PXMP2: variants seen among roughly 807,000 people sequenced by gnomAD.
PXMP2 encodes the protein 22 kDa peroxisomal membrane protein.
In PXMP2, 13 loss-of-function variants were observed where a neutral mutation model predicts 20.2. The observed-to-expected ratio is 0.64, with a 90% CI of 0.42 to 1.02. The LOEUF is 1.02. Among genes scored for constraint, PXMP2 ranks in the 50% least tolerant of loss-of-function variants. The probability of loss-of-function intolerance (pLI) is 0.00; values close to 1 mark genes in which losing one functional copy is unlikely to be tolerated. For missense variants in PXMP2, 284 were observed against 251.8 expected (o/e 1.13, Z -0.87); for synonymous variants, 113 against 111.2 (o/e 1.02, Z -0.10).
At position 132,693,853 on chromosome 12, in the gene PXMP2, T is replaced by TA. The variant is rs201477588; in HGVS notation, c.237-2031_237-2030insA. Among the ~76,000 whole-genome samples, 3 of 81,570 alleles carry TA rather than the reference T, an allele frequency of 3.7e-5. 1 individual carries two copies. Among genetic ancestry groups the TA allele is most frequent in the African/African-American group, 1.3e-4 (3 of 22,700 alleles). 53.5% of individuals were successfully genotyped at this position (81,570 alleles called of 152,430 possible). A position where few individuals can be genotyped will look rare whatever the true frequency, so the allele number is the denominator to read the frequency against. ...TTGCCAGTTAGTTAGTGAGCTCCCT[T>TA]GCCAGTTAGTTAGTGAGCTCCCTTA... On this transcript the variant is annotated intron_variant, in intron 2 of 4. Transcript: ENST00000317479.
rs2043315626 is a variant in PXMP2 at position 132,687,774 on chromosome 12, T to C, written c.104T>C (p.Leu35Pro). Residue 35 changes from leucine (L) to proline (P), a missense_variant, in exon 1 of 5, where the codon CTC becomes CCC. Physicochemically the swap from Leu to Pro is moderately conservative, Grantham distance 98. Transcript: ENST00000317479. ...YLLFLRLYPV[L>P]TKAATSGILS... ...CTCTTCCTGCGGCTCTACCCGGTGC[T>C]CACCAAGGCGGCCACCAGGTGAGCG... The C allele has an allele frequency of 1.7e-6, 2 of 1,177,802 alleles. No individual in the cohort carries two copies. The highest frequency in any genetic ancestry group is 4.1e-5 in the East Asian group (1 of 24,454). The allele number at this position is 1,177,802 out of a possible 1,614,324, so 73.0% of individuals were successfully genotyped here. A position where few individuals can be genotyped will look rare whatever the true frequency, so the allele number is the denominator to read the frequency against.
In PXMP2 at chr12:132,690,388, A is replaced by G. The variant is rs1396075274; in HGVS notation, c.236+12A>G. ...TATGCCGTTTACGGGTGAGTGCCATACAAGGGGTGGGTTTACCTTGTAGCC... is the reference window on the plus strand; with the variant it reads ...TATGCCGTTTACGGGTGAGTGCCATGCAAGGGGTGGGTTTACCTTGTAGCC... On this transcript the variant is annotated intron_variant, in intron 2 of 4. Coordinates refer to ENST00000317479, the MANE Select transcript of PXMP2 (RefSeq NM_018663.3). The G allele has an allele frequency of 1.9e-6, 3 of 1,605,026 alleles. No homozygotes were observed. The highest frequency in any genetic ancestry group is 2.2e-5 in the South Asian group (2 of 90,780).
chr12:132,703,050 G>A (rs543973885), intron 4 of PXMP2, among the ~76,000 whole-genome samples: 13 of 152,322 alleles, frequency 8.5e-5, no homozygotes, highest in Non-Finnish European at 1.3e-4. Context: ...CCTTCCCAGA[G>A]CAATTTCAGC....
intron 2 of PXMP2, among the ~76,000 whole-genome samples, chr12:132,692,941 G>A (rs1377324519): frequency 9.5e-5 from 8 of 84,016 alleles, no homozygotes; most frequent in South Asian, 4.7e-4. Flanking sequence ...GTTAGTGAGC[G>A]CCCTTGCCAG....
At chr12:132,704,572 C>G in intron 4 of PXMP2, 47 bp from the exon 5 acceptor site, 8 of 1,367,612 alleles carry the variant, frequency 5.8e-6, no homozygotes, top group Non-Finnish European at 6.7e-6. Context: ...GATAACTGGC[C>G]ACGGCCTCCC....
Position 132,701,451 on chromosome 12 carries a change from C to T in PXMP2, c.519+82C>T, listed in dbSNP as rs564854171. On this transcript the variant is annotated intron_variant, in intron 4 of 4. Transcript: ENST00000317479. Reference sequence around the variant, plus strand: ...TTCCTTCCTTCCTCTTTCCTCCCCCCCTCCCTCCCCTCTTCTTTTCTCTTC... The same window carrying T: ...TTCCTTCCTTCCTCTTTCCTCCCCCTCTCCCTCCCCTCTTCTTTTCTCTTC... 1.3e-5 allele frequency: 20 copies of T among 1,504,930 alleles called. No homozygotes were observed. The South Asian group carries it at 2.0e-4, about 15-fold the overall frequency. 93.2% of individuals were successfully genotyped at this position (1,504,930 alleles called of 1,614,324 possible).
At position 132,702,557 on chromosome 12, in the gene PXMP2, C is replaced by T. The variant is rs541300482; in HGVS notation, c.519+1188C>T. ...CTGCAGGGGCCACGTGCTTCCCTCC[C>T]CCAGAAGGTATGCCGCCCATCAGGG... On this transcript the variant is annotated intron_variant, in intron 4 of 4. Coordinates refer to ENST00000317479, the MANE Select transcript of PXMP2 (RefSeq NM_018663.3). 5 of 289,858 alleles carry T rather than the reference C, an allele frequency of 1.7e-5. No individual in the cohort carries two copies. The East Asian group carries it at 4.9e-4, about 29-fold the overall frequency. The allele number at this position is 289,858 out of a possible 1,614,324, so 18.0% of individuals were successfully genotyped here. A position where few individuals can be genotyped will look rare whatever the true frequency, so the allele number is the denominator to read the frequency against.
At position 132,701,249 on chromosome 12, in the gene PXMP2, G is replaced by A. The variant is rs148576668; in HGVS notation, c.400-1G>A. 767 of 1,613,654 alleles carry A rather than the reference G, an allele frequency of 4.8e-4. 4 individuals carry two copies. The highest frequency in any genetic ancestry group is 2.8e-3 in the Middle Eastern group (17 of 6,046). On this transcript the variant is annotated splice_acceptor_variant, in intron 3 of 4. Coordinates refer to ENST00000317479, the MANE Select transcript of PXMP2 (RefSeq NM_018663.3). LOFTEE classifies it high-confidence loss of function. ...CACCACCCGCCTTCCCTCCTTTGCA[G>A]GGGAAAGACGCCTCAGCCTTCGCCG...
In PXMP2 at chr12:132,687,745, C is replaced by T. The variant is rs1404685868; in HGVS notation, c.75C>T (p.Tyr25=). The T allele has an allele frequency of 5.7e-6, 7 of 1,222,860 alleles. No individual in the cohort carries two copies. The highest frequency in any genetic ancestry group is 2.6e-5 in the South Asian group (1 of 37,956). 75.8% of individuals were successfully genotyped at this position (1,222,860 alleles called of 1,614,324 possible). ...GALPRRALAQ[Y]LLFLRLYPVL... is the part of the protein sequence containing the mutation. ...TGCCGCGGCGGGCGCTCGCCCAGTA[C>T]CTGCTCTTCCTGCGGCTCTACCCGG... Residue 25 remains tyrosine (Y), a synonymous_variant, in exon 1 of 5, where the codon TAC becomes TAT. Coordinates refer to ENST00000317479, the MANE Select transcript of PXMP2 (RefSeq NM_018663.3).
At chr12:132,690,721 A>G (rs1196870827) in intron 2 of PXMP2, among the ~76,000 whole-genome samples, 2 of 151,898 alleles carry the variant, frequency 1.3e-5, no homozygotes, top group Non-Finnish European at 2.9e-5. Flanking sequence ...AATTTTTGTT[A>G]TTTTTAGTAG....
chr12:132,692,191 A>G (rs2136060344), intron 2 of PXMP2, among the ~76,000 whole-genome samples: 1 of 141,864 alleles, frequency 7.0e-6, no homozygotes, highest in East Asian at 2.1e-4. Context: ...TTAGTTAGTG[A>G]GCTCCCTTAG....
chr12:132,696,631 C>G lies in PXMP2; in HGVS notation c.399+585C>G, dbSNP rs563427049. ...TGGCCAACATGGTGAAACCTCGTCT[C>G]TACTAAAAATACAAAAAATTTAGCT... On this transcript the variant is annotated intron_variant, in intron 3 of 4. Transcript: ENST00000317479. This position sits in a 1 kb window ranked among gnomAD's most constrained non-coding sequence, Gnocchi z 4.4. Among the ~76,000 whole-genome samples the G allele has an allele frequency of 6.0e-4, 91 of 151,990 alleles. No individual in the cohort carries two copies. The highest frequency in any genetic ancestry group is 6.8e-3 in the Middle Eastern group (2 of 294).
At chr12:132,697,941 C>G (rs368694413) in intron 3 of PXMP2, among the ~76,000 whole-genome samples, 2 of 151,922 alleles carry the variant, frequency 1.3e-5, no homozygotes, top group Admixed American at 6.6e-5. Flanking sequence ...CCCCCGTTCA[C>G]GAGCACCTTC....
chr12:132,693,484 C>CAGTT (rs1238461863), intron 2 of PXMP2, among the ~76,000 whole-genome samples: 2 of 61,676 alleles, frequency 3.2e-5, no homozygotes, highest in Non-Finnish European at 7.6e-5. Context: ...CTCCCTTAGC[C>CAGTT]AGTTAGTGAG....
At chr12:132,699,561 C>T (rs1164504308) in intron 3 of PXMP2, among the ~76,000 whole-genome samples, 6 of 138,898 alleles carry the variant, frequency 4.3e-5, no homozygotes, top group African/African-American at 8.3e-5. Flanking sequence ...CACAGAGTCT[C>T]GCTCTTTCAT....
chr12:132,694,963 T>G (rs2043402078), intron 2 of PXMP2, among the ~76,000 whole-genome samples: 2 of 56,184 alleles, frequency 3.6e-5, no homozygotes, highest in Admixed American at 1.8e-4. Flanking sequence ...TGAGCTCCCT[T>G]GCCAGTTAGT....
At chr12:132,697,023 C>T (rs2043414103) in intron 3 of PXMP2, among the ~76,000 whole-genome samples, 1 of 151,634 alleles carries the variant, frequency 6.6e-6, no homozygotes. Context: ...CATGATGGTG[C>T]ACACCTGTAA....
intron 4 of PXMP2, chr12:132,702,580 G>C (rs1474630389): frequency 7.8e-6 from 2 of 256,370 alleles, no homozygotes; most frequent in African/African-American, 4.7e-5. Flanking sequence ...CCGCCCATCA[G>C]GGTTTTTTAC....
intron 2 of PXMP2, 52 bp downstream of exon 2, chr12:132,690,428 A>C (rs2043359778): frequency 5.0e-6 from 7 of 1,400,198 alleles, no homozygotes; most frequent in Non-Finnish European, 5.0e-6. Flanking sequence ...AGTGCAACCA[A>C]GCTGGGCACC....
Sources: allele counts gnomAD v4.1 joint callset (sites outside exome capture counted in the v4.1 genomes callset), GRCh38; gene constraint gnomAD v4.1.1; non-coding constraint Gnocchi (gnomAD v3.1); transcripts MANE v1.5; gene names NCBI Gene and HGNC (gene_info 2026-07-23, HGNC 2026-07-21).